The following LSAMP variants were observed in gnomAD, a reference collection of about 807,000 sequenced individuals.
LSAMP encodes limbic system associated membrane protein.
LSAMP carries 7 observed loss-of-function variants against 38.6 expected under a neutral mutation model. That is an observed-to-expected ratio of 0.18 (90% confidence interval 0.10 to 0.34). LSAMP has a LOEUF of 0.34. Ranked by LOEUF, LSAMP falls within the 10% of genes least tolerant of loss-of-function variation. LSAMP has a pLI of 1.00. For synonymous variants in LSAMP, 154 were observed against 166.8 expected (o/e 0.92, Z 0.59); for missense variants, 313 against 420.0 (o/e 0.75, Z 2.23).
At chr3:115,935,059 AAAC>A (rs1406848551) in intron 3 of LSAMP, among the ~76,000 whole-genome samples, 2 of 152,254 alleles carry the variant, frequency 1.3e-5, no homozygotes, top group South Asian at 2.1e-4. Flanking sequence ...CAAAAACAAA[AAAC>A]AAAAAAAACC....
intron 1 of LSAMP, among the ~76,000 whole-genome samples, chr3:116,309,505 A>C (rs1368024561): frequency 6.6e-6 from 1 of 152,164 alleles, no homozygotes; most frequent in Non-Finnish European, 1.5e-5. Context: ...ACATTTGGCT[A>C]GTGGCTACTT....
At chr3:116,442,506 C>T (rs931325514) in intron 1 of LSAMP, among the ~76,000 whole-genome samples, 2 of 151,996 alleles carry the variant, frequency 1.3e-5, no homozygotes, top group African/African-American at 4.8e-5. Context: ...AGCAAGAGCA[C>T]CATTCTTCAC....
chr3:116,328,867 C>A (rs947710501), intron 1 of LSAMP, among the ~76,000 whole-genome samples: 1 of 152,016 alleles, frequency 6.6e-6, no homozygotes, highest in Non-Finnish European at 1.5e-5. Context: ...TAACAGTATT[C>A]TTATTTAAAA....
chr3:115,901,879 A>G (rs900206592), intron 3 of LSAMP, among the ~76,000 whole-genome samples: 2 of 152,158 alleles, frequency 1.3e-5, no homozygotes, highest in African/African-American at 4.8e-5. Context: ...GACCACATTC[A>G]GAAATAAAAA....
intron 1 of LSAMP, among the ~76,000 whole-genome samples, chr3:116,249,285 T>A (rs1444064905): frequency 6.6e-6 from 1 of 152,154 alleles, no homozygotes; most frequent in Non-Finnish European, 1.5e-5. Context: ...ACTCTTTATC[T>A]GATATTTTTT....
chr3:115,962,096 A>T (rs562610160), intron 3 of LSAMP, among the ~76,000 whole-genome samples: 1 of 152,214 alleles, frequency 6.6e-6, no homozygotes, highest in African/African-American at 2.4e-5. Flanking sequence ...AAAATCACAT[A>T]AACAGTAAAG....
chr3:116,370,873 GAA>G (rs1398702081), intron 1 of LSAMP, among the ~76,000 whole-genome samples: 8 of 152,062 alleles, frequency 5.3e-5, no homozygotes, highest in Non-Finnish European at 8.8e-5. Flanking sequence ...TAAAATTACC[GAA>G]ATCTGAAATA....
intron 1 of LSAMP, among the ~76,000 whole-genome samples, chr3:116,348,017 T>C (rs1170838148): frequency 1.3e-5 from 2 of 151,504 alleles, no homozygotes; most frequent in Non-Finnish European, 2.9e-5. Context: ...TGACTATACA[T>C]CTCTGCTTTC....
chr3:116,181,976 A>G (rs1035429460), intron 1 of LSAMP, among the ~76,000 whole-genome samples: 2 of 152,050 alleles, frequency 1.3e-5, no homozygotes, highest in Non-Finnish European at 2.9e-5. Context: ...ATTGTAGAAC[A>G]GTCATGGAAG....
At chr3:116,101,448 T>G (rs1033968855) in intron 1 of LSAMP, among the ~76,000 whole-genome samples, 1 of 152,322 alleles carries the variant, frequency 6.6e-6, no homozygotes, top group African/African-American at 2.4e-5. Context: ...GTAATAATTG[T>G]GCATATTCAT....
chr3:116,020,501 C>G (rs939496670), intron 2 of LSAMP, among the ~76,000 whole-genome samples: 3 of 152,130 alleles, frequency 2.0e-5, no homozygotes, highest in African/African-American at 7.2e-5. Context: ...GTTTGAATCC[C>G]AGCCAATTCA....
chr3:115,981,638 C>G (rs1357689097), intron 3 of LSAMP, among the ~76,000 whole-genome samples: 3 of 152,126 alleles, frequency 2.0e-5, no homozygotes, highest in African/African-American at 4.8e-5. Flanking sequence ...GCCATGAATT[C>G]TGATTGGCTA....
chr3:116,199,493 T>C (rs1393399880), intron 1 of LSAMP, among the ~76,000 whole-genome samples: 1 of 152,214 alleles, frequency 6.6e-6, no homozygotes, highest in African/African-American at 2.4e-5. Context: ...TTATTCAATT[T>C]TGTGGTCCCA....
In LSAMP at chr3:115,937,487, A is replaced by G. The variant is rs369427928; in HGVS notation, c.514+82028T>C. 8.6e-5 allele frequency among the ~76,000 whole-genome samples: 13 copies of G among 151,966 alleles called. No individual in the cohort carries two copies. The East Asian group carries it at 2.1e-3, about 25-fold the overall frequency. On this transcript the variant is annotated intron_variant, in intron 3 of 6. Transcript: ENST00000490035. ...GACACTCTATCTTTATAAAAAATCA[A>G]AAAAATAGCCAAACATGGTAGTGCA...
Position 116,208,993 on chromosome 3 carries a change from C to A in LSAMP, c.156-122437G>T, listed in dbSNP as rs58618641. ...CCTGGGCAATGGCAGGCGCCCCTCC[C>A]GGAGCCTCGCTGCCGCCTTGCAGTT... On this transcript the variant is annotated intron_variant, in intron 1 of 6. Coordinates refer to ENST00000490035, the MANE Select transcript of LSAMP (RefSeq NM_002338.5). 3.3e-5 allele frequency among the ~76,000 whole-genome samples: 5 copies of A among 152,234 alleles called. No individual in the cohort carries two copies. The East Asian group carries it at 9.7e-4, about 29-fold the overall frequency.
At chr3:116,239,854 T>C (rs1317319766) in intron 1 of LSAMP, among the ~76,000 whole-genome samples, 5 of 152,188 alleles carry the variant, frequency 3.3e-5, no homozygotes, top group Admixed American at 2.0e-4. Flanking sequence ...CAATTTTTTA[T>C]TGTTGCTTAA....
chr3:116,390,901 G>A (rs980231537), intron 1 of LSAMP, among the ~76,000 whole-genome samples: 1 of 151,972 alleles, frequency 6.6e-6, no homozygotes, highest in Non-Finnish European at 1.5e-5. Flanking sequence ...CCATTTTCAT[G>A]TACACTGCCT....
At chr3:115,950,902 T>TA (rs1163845738) in intron 3 of LSAMP, among the ~76,000 whole-genome samples, 1 of 150,784 alleles carries the variant, frequency 6.6e-6, no homozygotes, top group African/African-American at 2.4e-5. Flanking sequence ...GTACTAGTAT[T>TA]AAAACAGGCA....
intron 3 of LSAMP, among the ~76,000 whole-genome samples, chr3:115,939,587 T>TCTTTCTC (rs1553751094): frequency 6.6e-6 from 1 of 151,236 alleles, no homozygotes. Context: ...TTTCTTTCTG[T>TCTTTCTC]TAAGAGACAG....
Sources: allele counts gnomAD v4.1 joint callset (sites outside exome capture counted in the v4.1 genomes callset), GRCh38; gene constraint gnomAD v4.1.1; transcripts MANE v1.5; gene names NCBI Gene and HGNC (gene_info 2026-07-23, HGNC 2026-07-21).